Variants in PXDN observed in about 807,000 individuals in gnomAD.
PXDN encodes peroxidasin.
A neutral mutation model predicts 140.3 loss-of-function variants in PXDN; 77 were observed. The ratio of observed to expected loss-of-function variants is 0.55; its 90% confidence interval spans 0.46 to 0.66. PXDN has a LOEUF of 0.66. Ranked by LOEUF, PXDN falls within the 30% of genes least tolerant of loss-of-function variation. The probability of loss-of-function intolerance (pLI) is 0.00; values close to 1 mark genes in which losing one functional copy is unlikely to be tolerated. For missense variants in PXDN, 1,838 were observed against 2,039.5 expected, an observed-to-expected ratio of 0.90 and a Z score of 1.90; for synonymous variants, 911 against 857.4, an observed-to-expected ratio of 1.06 and a Z score of -1.09.
chr2:1,676,644 C>T, intron 8 of PXDN: 1 of 487,556 alleles, frequency 2.1e-6, no homozygotes, highest in Non-Finnish European at 3.7e-6. Context: ...CATGCTCTCC[C>T]TCCCTCCCAC....
chr2:1,702,312 G>A (rs947521844), intron 1 of PXDN, among the ~76,000 whole-genome samples: 9 of 152,100 alleles, frequency 5.9e-5, no homozygotes, highest in Non-Finnish European at 8.8e-5. Flanking sequence ...CCCCAACCCC[G>A]GCACAGTGTC....
rs375570843 is a variant in PXDN at position 1,634,164 on chromosome 2, G to A, written c.*40C>T. 41 of 1,551,188 alleles carry A rather than the reference G, an allele frequency of 2.6e-5. No homozygotes were observed. The highest frequency in any genetic ancestry group is 3.3e-5 in the Non-Finnish European group (38 of 1,146,460). On this transcript the variant is annotated 3_prime_UTR_variant, in exon 23 of 23. Transcript: ENST00000252804. ...CCTGCCATCGGCCACCCGATCTCAC[G>A]ATGGCACAGCAGACAAACTCTGAGG...
Position 1,638,830 on chromosome 2 carries a change from C to G in PXDN, c.4206+16G>C, listed in dbSNP as rs538553147. 6.2e-7 allele frequency: 1 copy of G among 1,613,878 alleles called. No homozygotes were observed. Among genetic ancestry groups the G allele is most frequent in the Admixed American group, 1.7e-5 (1 of 60,018 alleles). The stretch of plus-strand genomic sequence containing the variant: ...GAATCTTGGAGTGGGGGGACACAGG[C>G]CGCCAGGCACCTCACCTGTGTTCTG... On this transcript the variant is annotated intron_variant, in intron 21 of 22. Coordinates refer to ENST00000252804, the MANE Select transcript of PXDN (RefSeq NM_012293.3).
chr2:1,642,891 G>A (rs1446023930), intron 19 of PXDN, among the ~76,000 whole-genome samples: 1 of 152,178 alleles, frequency 6.6e-6, no homozygotes, highest in Non-Finnish European at 1.5e-5. Flanking sequence ...CCTCCTACCT[G>A]CAGGGCTCCT....
At chr2:1,727,226 C>A (rs1368743863) in intron 1 of PXDN, among the ~76,000 whole-genome samples, 1 of 152,222 alleles carries the variant, frequency 6.6e-6, no homozygotes, top group Non-Finnish European at 1.5e-5. Flanking sequence ...GCCACCGCCC[C>A]GTCACAGCCA....
At chr2:1,719,105 T>C (rs1421970768) in intron 1 of PXDN, among the ~76,000 whole-genome samples, 1 of 152,186 alleles carries the variant, frequency 6.6e-6, no homozygotes, top group Admixed American at 6.5e-5. Context: ...CATGGCTCCT[T>C]AGACGAGCGA....
chr2:1,658,060 CTCTCTCT>C (rs1683199760), intron 14 of PXDN, among the ~76,000 whole-genome samples: 16 of 126,068 alleles, frequency 1.3e-4, no homozygotes, highest in South Asian at 2.8e-4. Context: ...CTCTCTCTCT[CTCTCTCT>C]CTCTCTCTCT....
chr2:1,662,987 A>T (rs1439426049), intron 12 of PXDN, among the ~76,000 whole-genome samples: 1 of 152,200 alleles, frequency 6.6e-6, no homozygotes, highest in African/African-American at 2.4e-5. Flanking sequence ...GAGTTAGCAC[A>T]GGGCGCCTGC....
At chr2:1,707,632 G>A (rs887646878) in intron 1 of PXDN, among the ~76,000 whole-genome samples, 1 of 152,208 alleles carries the variant, frequency 6.6e-6, no homozygotes, top group Non-Finnish European at 1.5e-5. Flanking sequence ...AAATCCCTGC[G>A]GAGGGGCTAT....
At chr2:1,646,330 C>T (rs543193408) in intron 17 of PXDN, among the ~76,000 whole-genome samples, 2 of 152,232 alleles carry the variant, frequency 1.3e-5, no homozygotes, top group Non-Finnish European at 2.9e-5. Flanking sequence ...CTGGGCTCCA[C>T]ATCTAGCTCT....
At chr2:1,734,183 C>G (rs1289338297) in intron 1 of PXDN, among the ~76,000 whole-genome samples, 1 of 151,948 alleles carries the variant, frequency 6.6e-6, no homozygotes, top group Non-Finnish European at 1.5e-5. Context: ...TTAAAAATTG[C>G]AAAAAAGTTA....
rs376449335 is a variant in PXDN, at chr2:1,673,617, C to A, written c.1018+26G>T. 3.1e-5 allele frequency: 50 copies of A among 1,593,608 alleles called. No homozygotes were observed. In the African/African-American group the frequency reaches 5.0e-4, roughly 16 times the overall value. On this transcript the variant is annotated intron_variant, in intron 9 of 22. Transcript: ENST00000252804. Reference sequence around the variant, plus strand: ...GAGGGACGACAATTCTGGATGGAACCCCGGTGTGAAATGCCCGCCACATAC... The same window carrying A: ...GAGGGACGACAATTCTGGATGGAACACCGGTGTGAAATGCCCGCCACATAC...
intron 1 of PXDN, among the ~76,000 whole-genome samples, chr2:1,731,826 T>A (rs1685320565): frequency 6.6e-6 from 1 of 152,166 alleles, no homozygotes; most frequent in African/African-American, 2.4e-5. Context: ...GCACTGAGGT[T>A]CTGCCATTGT....
intron 8 of PXDN, among the ~76,000 whole-genome samples, chr2:1,674,389 C>G (rs570054038): frequency 8.5e-5 from 13 of 152,270 alleles, no homozygotes; most frequent in African/African-American, 3.1e-4. Flanking sequence ...TTTTAACAAA[C>G]AGTGCCTGCA....
At position 1,639,212 on chromosome 2, in the gene PXDN, C is replaced by T. The variant is rs116730301; in HGVS notation, c.4073+90G>A. The T allele has an allele frequency of 1.1e-3, 1,759 of 1,538,064 alleles. 17 individuals are homozygous for T. The African/African-American group carries it at 0.022, about 19-fold the overall frequency. On this transcript the variant is annotated intron_variant, in intron 20 of 22. Transcript: ENST00000252804. This position sits in a 1 kb window ranked among gnomAD's most constrained non-coding sequence, Gnocchi z 5.0. ...TCCCTGCCAGGAACCATCCTCGCCA[C>T]AGGCCCACAGCAGGATGCCGGTCCT...
chr2:1,661,838 C>T (rs1390964932), intron 13 of PXDN, among the ~76,000 whole-genome samples: 1 of 152,100 alleles, frequency 6.6e-6, no homozygotes, highest in Non-Finnish European at 1.5e-5. Flanking sequence ...GTAAGGATGC[C>T]CTGAGTATTT....
At chr2:1,654,843 A>G (rs142368910) in intron 14 of PXDN, among the ~76,000 whole-genome samples, 208 of 152,234 alleles carry the variant, frequency 1.4e-3, no homozygotes, top group African/African-American at 4.7e-3. Context: ...CCCAGCAGAC[A>G]AGATGTCTGT....
chr2:1,669,447 A>G (rs975554274), intron 9 of PXDN, among the ~76,000 whole-genome samples: 4 of 152,260 alleles, frequency 2.6e-5, no homozygotes, highest in African/African-American at 9.6e-5. Flanking sequence ...CAGCACATAT[A>G]TCCCAGAACT....
At chr2:1,703,239 T>G (rs977752957) in intron 1 of PXDN, among the ~76,000 whole-genome samples, 1 of 7,722 alleles carries the variant, frequency 1.3e-4, no homozygotes, top group Middle Eastern at 0.12. Context: ...CAACTCCTGG[T>G]GAAGGGGGGG....
Sources: allele counts gnomAD v4.1 joint callset (sites outside exome capture counted in the v4.1 genomes callset), GRCh38; gene constraint gnomAD v4.1.1; non-coding constraint Gnocchi (gnomAD v3.1); transcripts MANE v1.5; gene names NCBI Gene and HGNC (gene_info 2026-07-23, HGNC 2026-07-21).